Variants in ACSS3 observed in about 807,000 individuals in gnomAD.
ACSS3 encodes acyl-CoA synthetase short-chain family member 3, mitochondrial.
ACSS3 carries 64 observed loss-of-function variants against 84.2 expected under a neutral mutation model. That is an observed-to-expected ratio of 0.76 (90% confidence interval 0.62 to 0.94). The LOEUF is 0.94. Among genes scored for constraint, ACSS3 ranks in the 40% least tolerant of loss-of-function variants. The pLI is 0.00. For missense variants in ACSS3, 815 were observed against 867.6 expected (o/e 0.94, Z 0.76); for synonymous variants, 317 against 310.1 (o/e 1.02, Z -0.23).
At chr12:81,211,950 A>G (rs893129068) in intron 9 of ACSS3, among the ~76,000 whole-genome samples, 1 of 152,184 alleles carries the variant, frequency 6.6e-6, no homozygotes, top group African/African-American at 2.4e-5. Context: ...CACTCTAGGT[A>G]TGAACCGACC....
rs909265849 is a variant in ACSS3, at chr12:81,139,216, T to G, written c.731T>G (p.Ile244Arg). 6.2e-6 allele frequency: 10 copies of G among 1,613,896 alleles called. No homozygotes were observed. Among genetic ancestry groups the G allele is most frequent in the African/African-American group, 5.3e-5 (4 of 74,922 alleles). ...CCACTTGTAGAAGAAGCGCTAAAAA[T>G]AGGACAACACAAACCAGACAAAATT... ...YVPLVEEALK[I>R]GQHKPDKILI... Residue 244 changes from isoleucine to arginine, a missense_variant, in exon 4 of 16, where the codon ATA (isoleucine) becomes AGA (arginine). By Grantham distance (97) the Ile-to-Arg change is moderately conservative. Transcript: ENST00000548058.
At chr12:81,213,868 C>A (rs2032755909) in intron 9 of ACSS3, among the ~76,000 whole-genome samples, 1 of 116,196 alleles carries the variant, frequency 8.6e-6, no homozygotes, top group Non-Finnish European at 1.9e-5. Context: ...CTCTTCCTTT[C>A]TTTCTTTCTT....
At chr12:81,115,791 A>G (rs762116062) in intron 2 of ACSS3, among the ~76,000 whole-genome samples, 9 of 152,172 alleles carry the variant, frequency 5.9e-5, no homozygotes, top group Non-Finnish European at 8.8e-5. Flanking sequence ...GGTGAGTTAA[A>G]TGATTTTAGG....
intron 1 of ACSS3, among the ~76,000 whole-genome samples, chr12:81,087,505 A>G (rs776941139): frequency 7.2e-5 from 11 of 151,902 alleles, no homozygotes; most frequent in Non-Finnish European, 1.3e-4. Flanking sequence ...TCTGGCCAGT[A>G]TAGATATCTG....
At chr12:81,077,986 G>C, upstream of ACSS3, 1 of 1,121,490 alleles carries the variant, frequency 8.9e-7, no homozygotes, top group Non-Finnish European at 1.2e-6. Flanking sequence ...GGCGACTCTA[G>C]TGTGGCTTCC....
intron 2 of ACSS3, chr12:81,125,741 G>A (rs1003387023): frequency 6.6e-6 from 1 of 152,132 alleles, no homozygotes; most frequent in South Asian, 2.1e-4. Context: ...CTCTTCTGAT[G>A]TTGAGATCAT....
intron 2 of ACSS3, among the ~76,000 whole-genome samples, chr12:81,122,681 T>C (rs1297063653): frequency 1.3e-5 from 2 of 152,190 alleles, no homozygotes; most frequent in Non-Finnish European, 2.9e-5. Flanking sequence ...TTTGGGAAAG[T>C]GTGTACATTA....
chr12:81,244,619 C>A (rs1234433594), intron 13 of ACSS3, among the ~76,000 whole-genome samples: 1 of 152,090 alleles, frequency 6.6e-6, no homozygotes, highest in Non-Finnish European at 1.5e-5. Flanking sequence ...CATCCTCAAG[C>A]ACCAAGATTC....
intron 13 of ACSS3, among the ~76,000 whole-genome samples, chr12:81,245,311 A>C (rs2136001604): frequency 6.6e-6 from 1 of 152,196 alleles, no homozygotes; most frequent in Non-Finnish European, 1.5e-5. Context: ...AAATACAAAA[A>C]ATTAGCCAGG....
At chr12:81,112,060 T>C (rs1232199631) in intron 2 of ACSS3, among the ~76,000 whole-genome samples, 1 of 152,188 alleles carries the variant, frequency 6.6e-6, no homozygotes, top group Admixed American at 6.5e-5. Flanking sequence ...CAAATGAGCT[T>C]GTTATTCTTA....
At position 81,174,887 on chromosome 12, in the gene ACSS3, A is replaced by G. The variant is rs762839597; in HGVS notation, c.1198A>G (p.Ile400Val). ...TACAGCACCAACTGCAATTAGAGCA[A>G]TCCGTCAACAGGACCCTGGGGCAGC... ...LFTAPTAIRA[I>V]RQQDPGAALG... Residue 400 changes from isoleucine (I) to valine (V), a missense_variant, in exon 8 of 16, where the codon ATC (isoleucine) becomes GTC (valine). Physicochemically the swap from Ile to Val is conservative, Grantham distance 29. Coordinates refer to ENST00000548058, the MANE Select transcript of ACSS3 (RefSeq NM_024560.4). 3.7e-6 allele frequency: 6 copies of G among 1,613,908 alleles called. No individual in the cohort carries two copies. Among genetic ancestry groups the G allele is most frequent in the South Asian group, 1.1e-5 (1 of 91,078 alleles).
At position 81,078,296 on chromosome 12, in the gene ACSS3, G is replaced by A. The variant is rs138023854; in HGVS notation, c.176G>A (p.Gly59Asp). ...TGCAGGGCACTGTCCTCCGGCAGTGGCAGCGAGTACAAGACCCACTTCGCA... is the reference window on the plus strand; with the variant it reads ...TGCAGGGCACTGTCCTCCGGCAGTGACAGCGAGTACAAGACCCACTTCGCA... ...RGCRALSSGSGSEYKTHFAAS... is the reference protein window; with the variant it reads ...RGCRALSSGSDSEYKTHFAAS... Residue 59 changes from glycine to aspartate, a missense_variant, in exon 1 of 16, where the codon GGC becomes GAC. By Grantham distance (94) the Gly-to-Asp change is moderately conservative. Transcript: ENST00000548058. 2.9e-5 allele frequency: 47 copies of A among 1,611,940 alleles called. No homozygotes were observed. Among genetic ancestry groups the A allele is most frequent in the Admixed American group, 6.7e-5 (4 of 59,996 alleles).
intron 1 of ACSS3, among the ~76,000 whole-genome samples, chr12:81,092,126 T>A (rs1013679269): frequency 6.6e-6 from 1 of 152,144 alleles, no homozygotes; most frequent in Admixed American, 6.5e-5. Flanking sequence ...GCCTTTTATA[T>A]TTATAAAAGT....
chr12:81,173,570 A>G (rs926403536), intron 7 of ACSS3, among the ~76,000 whole-genome samples: 37 of 152,188 alleles, frequency 2.4e-4, no homozygotes, highest in African/African-American at 7.7e-4. Flanking sequence ...AATCTAAATT[A>G]TTGGACAACT....
At chr12:81,133,880 G>A (rs1885652304) in intron 2 of ACSS3, among the ~76,000 whole-genome samples, 1 of 151,962 alleles carries the variant, frequency 6.6e-6, no homozygotes, top group Non-Finnish European at 1.5e-5. Flanking sequence ...TATATTTTAA[G>A]TAAAAGAATG....
intron 2 of ACSS3, 31 bp downstream of exon 2, chr12:81,109,735 T>C: frequency 6.8e-7 from 1 of 1,480,852 alleles, no homozygotes; most frequent in Non-Finnish European, 9.1e-7. Flanking sequence ...TATGTATATA[T>C]GAATTCATAT....
chr12:81,226,590 CA>C (rs1350183931), intron 11 of ACSS3, among the ~76,000 whole-genome samples: 2 of 151,784 alleles, frequency 1.3e-5, no homozygotes, highest in African/African-American at 4.8e-5. Context: ...AATTATTTGT[CA>C]CCTCTCTACT....
chr12:81,145,204 C>T (rs1040106935), intron 5 of ACSS3, among the ~76,000 whole-genome samples: 8 of 151,802 alleles, frequency 5.3e-5, no homozygotes, highest in Non-Finnish European at 1.2e-4. Context: ...GCATGAGCCA[C>T]TGCGCCCGGC....
At chr12:81,099,246 T>A (rs2121402901) in intron 1 of ACSS3, among the ~76,000 whole-genome samples, 1 of 152,306 alleles carries the variant, frequency 6.6e-6, no homozygotes, top group Middle Eastern at 3.4e-3. Flanking sequence ...GAAGTTCTTT[T>A]GTTTTATTGT....
Sources: gnomAD v4.1 joint callset for allele counts (sites outside exome capture counted in the v4.1 genomes callset) on GRCh38, gnomAD v4.1.1 for gene constraint, MANE v1.5 for transcripts, NCBI Gene and HGNC (gene_info 2026-07-23, HGNC 2026-07-21) for gene names.